Variants in PIK3CB observed in about 807,000 individuals in gnomAD.
PIK3CB encodes the protein phosphatidylinositol 4,5-bisphosphate 3-kinase catalytic subunit beta isoform.
A neutral mutation model predicts 136.8 loss-of-function variants in PIK3CB; 39 were observed. The observed-to-expected ratio is 0.29, with a 90% CI of 0.22 to 0.37. The LOEUF (loss-of-function observed/expected upper bound fraction) is 0.37. PIK3CB is among the 10% of genes least tolerant of loss of function. PIK3CB has a pLI of 1.00. For missense variants in PIK3CB, 868 were observed against 1,275.4 expected (o/e 0.68, Z 4.87); for synonymous variants, 428 against 436.6 (o/e 0.98, Z 0.25).
chr3:138,685,770 A>G (rs2043877369), intron 16 of PIK3CB, among the ~76,000 whole-genome samples: 2 of 147,070 alleles, frequency 1.4e-5, no homozygotes, highest in Non-Finnish European at 3.0e-5. Flanking sequence ...TTATGCAAGT[A>G]AAAAAAAAAA....
At chr3:138,830,848 G>A (rs1933996574) in intron 1 of PIK3CB, among the ~76,000 whole-genome samples, 2 of 150,584 alleles carry the variant, frequency 1.3e-5, no homozygotes, top group Admixed American at 6.6e-5. Context: ...CTTGCGGTAA[G>A]CCGAGATCGC....
intron 3 of PIK3CB, among the ~76,000 whole-genome samples, chr3:138,758,942 C>A (rs2045620524): frequency 6.6e-6 from 1 of 152,112 alleles, no homozygotes; most frequent in South Asian, 2.1e-4. Context: ...GTGTGACAAG[C>A]TCAAAGACAG....
At chr3:138,710,422 C>CA (rs1431329540) in intron 10 of PIK3CB, among the ~76,000 whole-genome samples, 1 of 152,030 alleles carries the variant, frequency 6.6e-6, no homozygotes, top group Non-Finnish European at 1.5e-5. Context: ...ATGTCACTTA[C>CA]AAAGCCATGA....
intron 10 of PIK3CB, among the ~76,000 whole-genome samples, chr3:138,708,738 C>T (rs2044432942): frequency 6.6e-6 from 1 of 151,734 alleles, no homozygotes; most frequent in Non-Finnish European, 1.5e-5. Context: ...CACACCACTG[C>T]ACCTGGCTCA....
chr3:138,769,591 C>T (rs970384733), intron 2 of PIK3CB, among the ~76,000 whole-genome samples: 6 of 152,308 alleles, frequency 3.9e-5, no homozygotes, highest in Admixed American at 3.9e-4. Flanking sequence ...AGAGGGCATA[C>T]TCACAAAATG....
At chr3:138,808,956 T>C (rs775776397) in intron 1 of PIK3CB, among the ~76,000 whole-genome samples, 2 of 151,848 alleles carry the variant, frequency 1.3e-5, no homozygotes, top group Non-Finnish European at 2.9e-5. Context: ...GCAAGATCTA[T>C]GAAAAAAAAA....
At chr3:138,735,012 G>A (rs576954567) in intron 6 of PIK3CB, among the ~76,000 whole-genome samples, 2 of 146,870 alleles carry the variant, frequency 1.4e-5, no homozygotes, top group Non-Finnish European at 3.0e-5. Context: ...GCAGTGACAC[G>A]ATCACAGCTC....
intron 19 of PIK3CB, among the ~76,000 whole-genome samples, chr3:138,678,767 C>T (rs931821189): frequency 1.4e-4 from 22 of 152,066 alleles, no homozygotes; most frequent in African/African-American, 5.1e-4. Context: ...GATTAAGAGG[C>T]ATATTTCTTA....
chr3:138,734,824 GA>G lies in PIK3CB; in HGVS notation c.802-21del, dbSNP rs757741804. The G allele has an allele frequency of 6.4e-7, 1 of 1,551,336 alleles. No homozygotes were observed. The highest frequency in any genetic ancestry group is 8.7e-7 in the Non-Finnish European group (1 of 1,143,896). ...GATATACTATAGGGGCAAGAAAGGG[GA>G]AGGTATTGATTTTCATGCCAACACC... On this transcript the variant is annotated intron_variant, in intron 6 of 23. Coordinates refer to ENST00000674063, the MANE Select transcript of PIK3CB (RefSeq NM_006219.3).
intron 1 of PIK3CB, among the ~76,000 whole-genome samples, chr3:138,821,855 G>A (rs1312575412): frequency 1.3e-5 from 2 of 151,796 alleles, no homozygotes; most frequent in Non-Finnish European, 2.9e-5. Context: ...TGCACATCAA[G>A]AGTTAAGACA....
intron 21 of PIK3CB, among the ~76,000 whole-genome samples, chr3:138,662,747 A>C (rs2043323960): frequency 6.6e-6 from 1 of 151,798 alleles, no homozygotes. Flanking sequence ...AAGTGTTCCT[A>C]TTTCTCCACA....
chr3:138,821,522 C>T (rs1347951763), intron 1 of PIK3CB, among the ~76,000 whole-genome samples: 1 of 151,906 alleles, frequency 6.6e-6, no homozygotes, highest in Non-Finnish European at 1.5e-5. Context: ...TGGCGGCTCA[C>T]GTCTGTAATC....
At chr3:138,825,699 T>C (rs1933750108) in intron 1 of PIK3CB, 1 of 662,382 alleles carries the variant, frequency 1.5e-6, no homozygotes, top group East Asian at 2.5e-5. Flanking sequence ...CTCTCCAGGA[T>C]GTCTACAAAA....
chr3:138,726,066 T>C (rs1199102705), intron 8 of PIK3CB, among the ~76,000 whole-genome samples: 1 of 152,212 alleles, frequency 6.6e-6, no homozygotes, highest in Non-Finnish European at 1.5e-5. Context: ...CGATACCAGT[T>C]CAGTTTTCAA....
intron 1 of PIK3CB, chr3:138,825,845 G>A (rs1418093378): frequency 1.5e-5 from 20 of 1,295,876 alleles, no homozygotes; most frequent in Non-Finnish European, 2.0e-5. Flanking sequence ...TTTGGGTGAA[G>A]CTCTTCCTGC....
intron 6 of PIK3CB, 149 bp from the exon 7 acceptor site, chr3:138,734,953 T>A (rs868304438): frequency 0.016 from 3,046 of 196,420 alleles, 78 homozygotes; most frequent in African/African-American, 0.083. Context: ...AAAAAAAAAA[T>A]TTTTTTTTTT....
intron 21 of PIK3CB, among the ~76,000 whole-genome samples, chr3:138,660,343 T>A (rs1213583541): frequency 1.3e-5 from 2 of 152,348 alleles, no homozygotes; most frequent in Non-Finnish European, 2.9e-5. Flanking sequence ...GACCTCTATG[T>A]GCTGATTGTA....
At chr3:138,658,315 T>G (rs2043226351) in intron 21 of PIK3CB, among the ~76,000 whole-genome samples, 1 of 151,958 alleles carries the variant, frequency 6.6e-6, no homozygotes, top group Admixed American at 6.6e-5. Flanking sequence ...TCAGGCATAG[T>G]GGCACACACC....
intron 8 of PIK3CB, among the ~76,000 whole-genome samples, chr3:138,727,580 T>C (rs1559844764): frequency 6.6e-6 from 1 of 152,212 alleles, no homozygotes; most frequent in East Asian, 1.9e-4. Context: ...CTTGAATCAG[T>C]TCAGAAGCAG....
Sources: gnomAD v4.1 joint callset for allele counts (sites outside exome capture counted in the v4.1 genomes callset) on GRCh38, gnomAD v4.1.1 for gene constraint, MANE v1.5 for transcripts, NCBI Gene and HGNC (gene_info 2026-07-23, HGNC 2026-07-21) for gene names.